The following TEC variants were observed in gnomAD, a reference collection of about 807,000 sequenced individuals.
TEC encodes the protein tyrosine-protein kinase Tec.
A neutral mutation model predicts 93.0 loss-of-function variants in TEC; 72 were observed. The observed-to-expected ratio is 0.77, with a 90% CI of 0.64 to 0.94. TEC has a LOEUF of 0.94. Ranked by LOEUF, TEC falls within the 40% of genes least tolerant of loss-of-function variation. The pLI is 0.00. For missense variants in TEC, 630 were observed against 757.9 expected (o/e 0.83, Z 1.98); for synonymous variants, 249 against 247.7 (o/e 1.01, Z -0.05).
At chr4:48,184,456 A>G (rs1721718300) in intron 2 of TEC, among the ~76,000 whole-genome samples, 1 of 152,236 alleles carries the variant, frequency 6.6e-6, no homozygotes, top group Admixed American at 6.5e-5. Flanking sequence ...CTTGGATGTG[A>G]CAGATGGGGT....
chr4:48,137,445 C>T lies in TEC; in HGVS notation c.1867G>A (p.Val623Ile), dbSNP rs1324007287. 1 of 1,614,170 alleles carries T rather than the reference C, an allele frequency of 6.2e-7. No homozygotes were observed. Among genetic ancestry groups the T allele is most frequent in the East Asian group, 2.2e-5 (1 of 44,888 alleles). Residue 623 changes from valine to isoleucine, a missense_variant, in exon 18 of 18, where the codon GTT becomes ATT. Physicochemically the swap from Val to Ile is conservative, Grantham distance 29 (BLOSUM62 3). Coordinates refer to ENST00000381501, the MANE Select transcript of TEC (RefSeq NM_003215.3). ...CTTCCAAAAGTTTCTTCACATTCAACTAGTTCATCTATTGTGCGCAGCAGA... is the reference window on the plus strand; with the variant it reads ...CTTCCAAAAGTTTCTTCACATTCAATTAGTTCATCTATTGTGCGCAGCAGA... ...EDLLRTIDEL[V>I]ECEETFGR
At chr4:48,234,839 A>G (rs1723742716) in intron 1 of TEC, among the ~76,000 whole-genome samples, 2 of 152,104 alleles carry the variant, frequency 1.3e-5, no homozygotes, top group African/African-American at 4.8e-5. Context: ...AGCAGAGGAG[A>G]AGAAGGAGGA....
intron 2 of TEC, among the ~76,000 whole-genome samples, chr4:48,222,994 C>G (rs552969881): frequency 1.3e-5 from 2 of 151,882 alleles, no homozygotes; most frequent in Non-Finnish European, 2.9e-5. Context: ...TCTGAAGAAC[C>G]CTGACCAATA....
At chr4:48,154,337 G>T (rs1361009566) in intron 9 of TEC, among the ~76,000 whole-genome samples, 1 of 152,186 alleles carries the variant, frequency 6.6e-6, no homozygotes, top group Non-Finnish European at 1.5e-5. Flanking sequence ...TCTGATTAAG[G>T]TCATAAAACT....
intron 8 of TEC, among the ~76,000 whole-genome samples, chr4:48,160,770 AAAAG>A (rs1322564841): frequency 2.6e-4 from 37 of 142,368 alleles, no homozygotes; most frequent in South Asian, 7.2e-4. Context: ...AGAAAAGAAA[AAAAG>A]AAAGAAAGAA....
intron 2 of TEC, among the ~76,000 whole-genome samples, chr4:48,226,961 C>T (rs1293845799): frequency 6.6e-6 from 1 of 152,152 alleles, no homozygotes; most frequent in Admixed American, 6.6e-5. Flanking sequence ...AAATATAGCA[C>T]ATATATCATA....
At position 48,205,093 on chromosome 4, in the gene TEC, G is replaced by T. The variant is rs77769680; in HGVS notation, c.138+23384C>A. ...AGTTAATTAAGCTCCCTAACCCTTG[G>T]ATTTCTCTGAAAACTAAGATAATAC... On this transcript the variant is annotated intron_variant, in intron 2 of 17. Transcript: ENST00000381501. 9.8e-5 allele frequency among the ~76,000 whole-genome samples: 15 copies of T among 152,306 alleles called. No homozygotes were observed. The East Asian group carries it at 2.1e-3, about 22-fold the overall frequency.
rs181715545 is a variant in TEC, at chr4:48,230,152, C to G, written c.-45-1493G>C. ...ACAGAGGCAAGAAGAGTCACATGAACAGCATGAAGTGGCTCTCAGACAGCA... is the reference window on the plus strand; with the variant it reads ...ACAGAGGCAAGAAGAGTCACATGAAGAGCATGAAGTGGCTCTCAGACAGCA... On this transcript the variant is annotated intron_variant, in intron 1 of 17. Transcript: ENST00000381501. Among the ~76,000 whole-genome samples, 354 of 152,126 alleles carry G rather than the reference C, an allele frequency of 2.3e-3. 1 individual carries two copies. Among genetic ancestry groups the G allele is most frequent in the African/African-American group, 8.0e-3 (333 of 41,492 alleles).
intron 1 of TEC, among the ~76,000 whole-genome samples, chr4:48,251,004 C>A (rs938574336): frequency 2.0e-5 from 3 of 152,226 alleles, no homozygotes; most frequent in Non-Finnish European, 4.4e-5. Context: ...CCTAATGGGT[C>A]TCAGTACTTC....
At chr4:48,186,349 A>G (rs1253142769) in intron 2 of TEC, among the ~76,000 whole-genome samples, 9 of 142,458 alleles carry the variant, frequency 6.3e-5, no homozygotes, top group East Asian at 4.3e-4. Flanking sequence ...CCCTCTGACC[A>G]GCCGCCCAGT....
At chr4:48,172,064 T>C (rs1721136492) in intron 3 of TEC, among the ~76,000 whole-genome samples, 1 of 152,228 alleles carries the variant, frequency 6.6e-6, no homozygotes, top group Admixed American at 6.5e-5. Context: ...AACCTGCCCA[T>C]TGCCATTTGG....
intron 2 of TEC, among the ~76,000 whole-genome samples, chr4:48,182,563 G>A (rs945450561): frequency 2.0e-5 from 3 of 151,458 alleles, no homozygotes; most frequent in Admixed American, 2.0e-4. Context: ...GTGTGTGTGT[G>A]TGTGTGTCCT....
At chr4:48,218,004 T>C (rs1157353323) in intron 2 of TEC, among the ~76,000 whole-genome samples, 4 of 151,374 alleles carry the variant, frequency 2.6e-5, no homozygotes, top group Non-Finnish European at 5.9e-5. Flanking sequence ...GTAAACAATT[T>C]GGCAAATTAA....
intron 9 of TEC, among the ~76,000 whole-genome samples, chr4:48,154,535 T>C (rs947046804): frequency 2.6e-5 from 4 of 152,192 alleles, no homozygotes; most frequent in Non-Finnish European, 5.9e-5. Context: ...GAAAGGAAGA[T>C]GAGTTTTTGG....
chr4:48,148,502 G>C (rs1371750821), intron 11 of TEC, among the ~76,000 whole-genome samples: 2 of 152,082 alleles, frequency 1.3e-5, no homozygotes, highest in African/African-American at 4.8e-5. Context: ...CCACTCTGGT[G>C]GTAAGTGTAC....
chr4:48,150,795 C>T (rs1577701437), intron 10 of TEC, 68 bp downstream of exon 10: 1 of 1,101,832 alleles, frequency 9.1e-7, no homozygotes. Context: ...ATTAGGAATC[C>T]ATATAAACTA....
chr4:48,176,423 A>G (rs28514576), intron 2 of TEC, among the ~76,000 whole-genome samples: 55,402 of 151,864 alleles, frequency 0.36, 10,834 homozygotes, highest in Non-Finnish European at 0.44. Context: ...TGCCCCCCCA[A>G]AAAAACTCCA....
At chr4:48,195,618 A>G (rs999997321) in intron 2 of TEC, among the ~76,000 whole-genome samples, 5 of 152,218 alleles carry the variant, frequency 3.3e-5, no homozygotes, top group African/African-American at 9.6e-5. Context: ...TGCCAAAGTA[A>G]TGAGTCATTT....
intron 2 of TEC, among the ~76,000 whole-genome samples, chr4:48,216,739 C>G (rs1723093594): frequency 6.6e-6 from 1 of 152,172 alleles, no homozygotes; most frequent in Non-Finnish European, 1.5e-5. Context: ...TAAAACTCAA[C>G]TTTCTGATAT....
Sources: allele counts gnomAD v4.1 joint callset (sites outside exome capture counted in the v4.1 genomes callset), GRCh38; gene constraint gnomAD v4.1.1; transcripts MANE v1.5; gene names NCBI Gene and HGNC (gene_info 2026-07-23, HGNC 2026-07-21).